TBC1D32: variants seen among roughly 807,000 people sequenced by gnomAD.
TBC1D32 encodes TBC1 domain family member 32, also known as protein broad-minded.
Under a neutral mutation model 170.3 loss-of-function variants are expected in TBC1D32, and 151 were observed. The observed-to-expected ratio is 0.89, with a 90% confidence interval of 0.78 to 1.01. The LOEUF (loss-of-function observed/expected upper bound fraction) is 1.01, where lower values mean the gene tolerates loss of function less well. Ranked by LOEUF, TBC1D32 falls within the 50% of genes least tolerant of loss-of-function variation. The pLI is 0.00. For synonymous variants in TBC1D32, 498 were observed against 488.0 expected (o/e 1.02, Z -0.27); for missense variants, 1,464 against 1,457.1 (o/e 1.00, Z -0.08).
At chr6:121,308,129 A>G (rs1256564308) in intron 4 of TBC1D32, 28 bp from the exon 5 acceptor site, 1 of 1,605,134 alleles carries the variant, frequency 6.2e-7, no homozygotes, top group African/African-American at 1.3e-5. Flanking sequence ...GACTTTTATT[A>G]ACACTCAGTC....
At chr6:121,117,838 T>C (rs1463078256) in intron 26 of TBC1D32, among the ~76,000 whole-genome samples, 2 of 152,130 alleles carry the variant, frequency 1.3e-5, no homozygotes, top group African/African-American at 4.8e-5. Flanking sequence ...ATATTCCAAA[T>C]ACATCTCAGA....
intron 24 of TBC1D32, among the ~76,000 whole-genome samples, chr6:121,157,966 ATGATGATG>A (rs1445266886): frequency 6.6e-6 from 1 of 152,074 alleles, no homozygotes; most frequent in Non-Finnish European, 1.5e-5. Flanking sequence ...GGTAAATCTG[ATGATGATG>A]TGCCTTGGGG....
At chr6:121,277,171 A>G (rs77070012) in intron 15 of TBC1D32, among the ~76,000 whole-genome samples, 1,888 of 152,296 alleles carry the variant, frequency 0.012, 39 homozygotes, top group African/African-American at 0.043. Flanking sequence ...ACTAGAAATT[A>G]TATAAAGTGT....
intron 22 of TBC1D32, among the ~76,000 whole-genome samples, chr6:121,184,586 T>C (rs1415676567): frequency 3.3e-5 from 5 of 151,702 alleles, no homozygotes; most frequent in Non-Finnish European, 7.4e-5. Flanking sequence ...CAAAAACAAA[T>C]AAAAAACAAA....
intron 24 of TBC1D32, among the ~76,000 whole-genome samples, chr6:121,155,788 G>A (rs1784805534): frequency 6.6e-6 from 1 of 151,980 alleles, no homozygotes; most frequent in Admixed American, 6.6e-5. Context: ...TTTTTATTCT[G>A]TTTATGTGGT....
At chr6:121,147,365 CTGTTT>C (rs536937630) in intron 24 of TBC1D32, among the ~76,000 whole-genome samples, 179 of 152,202 alleles carry the variant, frequency 1.2e-3, no homozygotes, top group African/African-American at 4.3e-3. Context: ...AAGGGCAGTT[CTGTTT>C]TAAGTTCTTT....
At chr6:121,127,049 T>C (rs1053477149) in intron 25 of TBC1D32, among the ~76,000 whole-genome samples, 1 of 152,188 alleles carries the variant, frequency 6.6e-6, no homozygotes, top group Non-Finnish European at 1.5e-5. Context: ...AGGTACAATA[T>C]AATTAATATG....
chr6:121,315,836 A>G (rs1808861650), intron 3 of TBC1D32, among the ~76,000 whole-genome samples: 1 of 152,138 alleles, frequency 6.6e-6, no homozygotes, highest in Non-Finnish European at 1.5e-5. Flanking sequence ...AATATCTCCT[A>G]GAACTTGGAC....
chr6:121,302,346 A>C (rs1806621801), intron 9 of TBC1D32, among the ~76,000 whole-genome samples: 1 of 152,182 alleles, frequency 6.6e-6, no homozygotes, highest in South Asian at 2.1e-4. Context: ...TTTACATAAA[A>C]AGTGTGACAA....
Position 121,113,191 on chromosome 6 carries a change from C to G in TBC1D32, c.3054-14G>C, listed in dbSNP as rs975238716. The G allele has an allele frequency of 6.5e-7, 1 of 1,535,054 alleles. No individual in the cohort carries two copies. Among genetic ancestry groups the G allele is most frequent in the African/African-American group, 1.4e-5 (1 of 72,070 alleles). On this transcript the variant is annotated splice_polypyrimidine_tract_variant and intron_variant, in intron 27 of 31. Coordinates refer to ENST00000398212, the MANE Select transcript of TBC1D32 (RefSeq NM_152730.6). Reference sequence around the variant, plus strand: ...AATTTGCCATACCTATATTAAAAGCCCACAAAACATAAAACATATCAGGTC... The same window carrying G: ...AATTTGCCATACCTATATTAAAAGCGCACAAAACATAAAACATATCAGGTC...
At chr6:121,158,549 G>A (rs1785195977) in intron 24 of TBC1D32, among the ~76,000 whole-genome samples, 2 of 152,090 alleles carry the variant, frequency 1.3e-5, no homozygotes, top group Non-Finnish European at 2.9e-5. Context: ...TGGGAAACTA[G>A]TGCATTTGGT....
intron 15 of TBC1D32, among the ~76,000 whole-genome samples, chr6:121,262,194 A>G (rs142288856): frequency 0.012 from 1,885 of 152,326 alleles, 39 homozygotes; most frequent in African/African-American, 0.043. Context: ...ACCAAGTTAG[A>G]AAACACACTT....
chr6:121,279,270 C>T (rs1162581477), intron 14 of TBC1D32, 25 bp from the exon 15 acceptor site: 15 of 1,594,530 alleles, frequency 9.4e-6, no homozygotes, highest in Admixed American at 1.9e-5. Context: ...GAAAACAAGA[C>T]AAATCACATA....
At position 121,239,050 on chromosome 6, in the gene TBC1D32, T is replaced by G; in HGVS notation, c.2364+20A>C. On this transcript the variant is annotated intron_variant, in intron 20 of 31. Transcript: ENST00000398212. ...AAATACTTTTCAAATCTGTGTATTATTAGTCAAATAACTTCTTACCTTTTG... is the reference window on the plus strand; with the variant it reads ...AAATACTTTTCAAATCTGTGTATTAGTAGTCAAATAACTTCTTACCTTTTG... The G allele has an allele frequency of 7.4e-7, 1 of 1,352,696 alleles. No homozygotes were observed. Among genetic ancestry groups the G allele is most frequent in the Non-Finnish European group, 1.0e-6 (1 of 953,228 alleles). The allele number at this position is 1,352,696 out of a possible 1,614,324, so 83.8% of individuals were successfully genotyped here. A position where few individuals can be genotyped will look rare whatever the true frequency, so the allele number is the denominator to read the frequency against.
chr6:121,115,067 A>G (rs1779557579), intron 27 of TBC1D32, 105 bp downstream of exon 27: 1 of 771,022 alleles, frequency 1.3e-6, no homozygotes, highest in Non-Finnish European at 2.0e-6. Context: ...CTGCATTTAA[A>G]GTATACAAAA....
intron 26 of TBC1D32, among the ~76,000 whole-genome samples, chr6:121,123,028 G>C (rs1582863648): frequency 6.6e-6 from 1 of 152,044 alleles, no homozygotes; most frequent in South Asian, 2.1e-4. Context: ...TCTGAGAGCA[G>C]TGTAAAGAGC....
chr6:121,272,457 T>C (rs1376009210), intron 15 of TBC1D32, among the ~76,000 whole-genome samples: 2 of 151,836 alleles, frequency 1.3e-5, no homozygotes, highest in South Asian at 2.1e-4. Context: ...AGGATATGAA[T>C]AGACACTTAT....
intron 24 of TBC1D32, among the ~76,000 whole-genome samples, chr6:121,137,702 T>C (rs1278612917): frequency 2.0e-5 from 3 of 151,864 alleles, no homozygotes; most frequent in Non-Finnish European, 4.4e-5. Context: ...AAGAGTATAT[T>C]AAAAATGTAA....
chr6:121,092,932 C>T (rs1223707975), intron 30 of TBC1D32, among the ~76,000 whole-genome samples: 2 of 152,090 alleles, frequency 1.3e-5, no homozygotes, highest in Admixed American at 1.3e-4. Context: ...GTTTTCCAGA[C>T]ATTATTACTC....
Sources: allele counts gnomAD v4.1 joint callset (sites outside exome capture counted in the v4.1 genomes callset), GRCh38; gene constraint gnomAD v4.1.1; transcripts MANE v1.5; gene names NCBI Gene and HGNC (gene_info 2026-07-23, HGNC 2026-07-21).